Variants in SCN1A observed in about 807,000 individuals in gnomAD.
SCN1A encodes the protein sodium voltage-gated channel alpha subunit 1.
Under a neutral mutation model 193.7 loss-of-function variants are expected in SCN1A, and 13 were observed. The ratio of observed to expected loss-of-function variants is 0.07; its 90% CI spans 0.04 to 0.11. The LOEUF is 0.11. Ranked by LOEUF, SCN1A falls within the 10% of genes least tolerant of loss-of-function variation. The pLI, the probability that SCN1A is intolerant of heterozygous loss-of-function variation, is 1.00. For missense variants in SCN1A, 1,432 were observed against 2,451.1 expected, an observed-to-expected ratio of 0.58 and a Z score of 8.78; for synonymous variants, 781 against 843.6, an observed-to-expected ratio of 0.93 and a Z score of 1.29.
At chr2:166,130,512 C>T (rs1442553419), upstream of SCN1A, among the ~76,000 whole-genome samples, 1 of 152,150 alleles carries the variant, frequency 6.6e-6, no homozygotes, top group Non-Finnish European at 1.5e-5. Flanking sequence ...GCAAATTCGG[C>T]GGATATTTTA....
chr2:166,090,593 G>T (rs1225972693), intron 2 of SCN1A, among the ~76,000 whole-genome samples: 1 of 152,004 alleles, frequency 6.6e-6, no homozygotes, highest in Non-Finnish European at 1.5e-5. Context: ...AGTCACCAGG[G>T]TCTACAGCCT....
chr2:165,989,763 C>T lies in SCN1A; in HGVS notation c.*1482G>A, dbSNP rs886055033. On this transcript the variant is annotated 3_prime_UTR_variant, in exon 29 of 29. Coordinates refer to ENST00000674923, the MANE Select transcript of SCN1A (RefSeq NM_001165963.4). ...GTGATATCAACCTGAAGATAATTTCCTCTTCATATTTATGTACATAATGCT... is the reference window on the plus strand; with the variant it reads ...GTGATATCAACCTGAAGATAATTTCTTCTTCATATTTATGTACATAATGCT... 3.3e-5 allele frequency: 5 copies of T among 152,574 alleles called. No homozygotes were observed. The East Asian group carries it at 5.8e-4, about 18-fold the overall frequency. 9.5% of individuals were successfully genotyped at this position (152,574 alleles called of 1,614,324 possible). A position where few individuals can be genotyped will look rare whatever the true frequency, so the allele number is the denominator to read the frequency against.
rs1468183921 is a variant in SCN1A, at chr2:165,987,549, T to C, written c.*3696A>G. On this transcript the variant is annotated 3_prime_UTR_variant, in exon 29 of 29. Transcript: ENST00000674923. ...CATTCAACTGCAAGAAACAGATTTGTACTTTTCCTTATTTACTTACATCAG... is the reference window on the plus strand; with the variant it reads ...CATTCAACTGCAAGAAACAGATTTGCACTTTTCCTTATTTACTTACATCAG... 3 of 152,196 alleles carry C rather than the reference T, an allele frequency of 2.0e-5. No homozygotes were observed. Among genetic ancestry groups the C allele is most frequent in the Admixed American group, 6.5e-5 (1 of 15,270 alleles). 9.4% of individuals were successfully genotyped at this position (152,196 alleles called of 1,614,324 possible).
chr2:166,072,223 A>G (rs1451551065), intron 4 of SCN1A, among the ~76,000 whole-genome samples: 1 of 151,904 alleles, frequency 6.6e-6, no homozygotes, highest in Non-Finnish European at 1.5e-5. Flanking sequence ...TAAGATTCAC[A>G]AATGCATTGT....
rs899082987 is a variant in SCN1A at position 166,007,345 on chromosome 2, C to T, written c.4002+2374G>A. The T allele has an allele frequency of 1.3e-5, 2 of 151,214 alleles. No homozygotes were observed. Among genetic ancestry groups the T allele is most frequent in the Non-Finnish European group, 3.0e-5 (2 of 67,478 alleles). The allele number at this position is 151,214 out of a possible 1,614,324, so 9.4% of individuals were successfully genotyped here. ...GTTATTAGTTAGAAATCTGATATGA[C>T]AGAACATTTGGTGTTACTTTTTGTT... On this transcript the variant is annotated intron_variant, in intron 23 of 28. Coordinates refer to ENST00000674923, the MANE Select transcript of SCN1A (RefSeq NM_001165963.4).
chr2:166,022,699 G>A (rs545855004), intron 19 of SCN1A, among the ~76,000 whole-genome samples: 4 of 152,228 alleles, frequency 2.6e-5, no homozygotes, highest in Admixed American at 6.5e-5. Flanking sequence ...TCACTCTGGT[G>A]ATCATGTCAC....
intron 1 of SCN1A, among the ~76,000 whole-genome samples, chr2:166,140,077 A>G (rs1372770626): frequency 4.6e-5 from 7 of 152,204 alleles, no homozygotes; most frequent in Admixed American, 3.3e-4. Flanking sequence ...TGTTATCTTC[A>G]TGAATTTATA....
chr2:166,108,718 C>G (rs1204191543), intron 2 of SCN1A, among the ~76,000 whole-genome samples: 1 of 152,090 alleles, frequency 6.6e-6, no homozygotes, highest in African/African-American at 2.4e-5. Context: ...AAAGATGACA[C>G]ATTGCATGAT....
Position 165,988,229 on chromosome 2 carries a change from A to G in SCN1A, c.*3016T>C, listed in dbSNP as rs976814343. On this transcript the variant is annotated 3_prime_UTR_variant, in exon 29 of 29. Transcript: ENST00000674923. The stretch of plus-strand genomic sequence containing the variant: ...GTTCCCCCAGTTACTGTTTTTCTTT[A>G]TCTGCAAAAGTTAGCAAGATTAAGA... 1.3e-5 allele frequency: 2 copies of G among 151,988 alleles called. No homozygotes were observed. The highest frequency in any genetic ancestry group is 2.9e-5 in the Non-Finnish European group (2 of 67,992). The allele number at this position is 151,988 out of a possible 1,614,324, so 9.4% of individuals were successfully genotyped here. A position where few individuals can be genotyped will look rare whatever the true frequency, so the allele number is the denominator to read the frequency against.
chr2:166,129,872 C>A (rs1419341463), upstream of SCN1A, among the ~76,000 whole-genome samples: 2 of 152,070 alleles, frequency 1.3e-5, no homozygotes, highest in Non-Finnish European at 1.5e-5. Context: ...AGTGGTAAAC[C>A]TACCCTCTTG....
At chr2:166,079,767 C>T (rs752579619) in intron 2 of SCN1A, among the ~76,000 whole-genome samples, 17 of 151,142 alleles carry the variant, frequency 1.1e-4, no homozygotes, top group Non-Finnish European at 2.2e-4. Context: ...TCTACACTGA[C>T]AAATATGATC....
chr2:166,014,010 C>A, intron 20 of SCN1A, 112 bp from the exon 21 acceptor site: 1 of 1,283,192 alleles, frequency 7.8e-7, no homozygotes, highest in Non-Finnish European at 1.1e-6. Flanking sequence ...GTCTTGCTAG[C>A]ATAGCTCTCT....
At chr2:166,123,034 A>G (rs1338446771) in intron 2 of SCN1A, among the ~76,000 whole-genome samples, 1 of 152,080 alleles carries the variant, frequency 6.6e-6, no homozygotes, top group Non-Finnish European at 1.5e-5. Flanking sequence ...TTTCTAGAGA[A>G]GAACTACAGT....
chr2:166,101,253 G>T (rs1236198743), intron 2 of SCN1A, among the ~76,000 whole-genome samples: 5 of 150,600 alleles, frequency 3.3e-5, no homozygotes, highest in Non-Finnish European at 5.9e-5. Context: ...GTAAACTATC[G>T]CAAGAACAAA....
chr2:166,072,048 A>G (rs1278986917), intron 4 of SCN1A, among the ~76,000 whole-genome samples: 2 of 152,190 alleles, frequency 1.3e-5, no homozygotes, highest in Non-Finnish European at 2.9e-5. Context: ...AACTGCCTCA[A>G]ATTCACATAT....
At chr2:166,035,169 G>A (rs992399856) in intron 19 of SCN1A, among the ~76,000 whole-genome samples, 1 of 152,120 alleles carries the variant, frequency 6.6e-6, no homozygotes, top group Non-Finnish European at 1.5e-5. Context: ...AGGGCTCTAA[G>A]TTCAACTCTC....
chr2:166,074,011 C>T (rs59490038), intron 3 of SCN1A, among the ~76,000 whole-genome samples: 33,316 of 151,932 alleles, frequency 0.22, 3,830 homozygotes, highest in East Asian at 0.36. Context: ...GGAGACTGTG[C>T]GTATAAAGGC....
At position 165,987,191 on chromosome 2, in the gene SCN1A, G is replaced by A. The variant is rs973129485; in HGVS notation, c.*4054C>T. 2 of 151,936 alleles carry A rather than the reference G, an allele frequency of 1.3e-5. No homozygotes were observed. Among genetic ancestry groups the A allele is most frequent in the Non-Finnish European group, 2.9e-5 (2 of 67,968 alleles). 9.4% of individuals were successfully genotyped at this position (151,936 alleles called of 1,614,324 possible). On this transcript the variant is annotated 3_prime_UTR_variant, in exon 29 of 29. Transcript: ENST00000674923. ...TTGATTTTCCTTGTAGTTAGATTCTGGTTTTAAAATTTTGACTGTGTACCA... is the reference window on the plus strand; with the variant it reads ...TTGATTTTCCTTGTAGTTAGATTCTAGTTTTAAAATTTTGACTGTGTACCA...
intron 4 of SCN1A, among the ~76,000 whole-genome samples, chr2:166,066,707 A>T (rs1267277404): frequency 6.6e-6 from 1 of 152,042 alleles, no homozygotes; most frequent in African/African-American, 2.4e-5. Flanking sequence ...ACACCTCCAA[A>T]ACCAATTCTG....
Sources: allele counts gnomAD v4.1 joint callset (sites outside exome capture counted in the v4.1 genomes callset), GRCh38; gene constraint gnomAD v4.1.1; transcripts MANE v1.5; gene names NCBI Gene and HGNC (gene_info 2026-07-23, HGNC 2026-07-21).